ELMO1: variants seen among roughly 807,000 people sequenced by gnomAD.
ELMO1 encodes the protein engulfment and cell motility 1.
In ELMO1, 26 loss-of-function variants were observed where a neutral mutation model predicts 98.9. The ratio of observed to expected loss-of-function variants is 0.26; its 90% CI spans 0.19 to 0.36. The LOEUF (loss-of-function observed/expected upper bound fraction) is 0.36. Among genes scored for constraint, ELMO1 ranks in the 10% least tolerant of loss-of-function variants. The pLI is 1.00. For missense variants in ELMO1, 627 were observed against 935.2 expected (o/e 0.67, Z 4.30); for synonymous variants, 346 against 346.0 (o/e 1.00, Z 0.00).
chr7:36,944,484 T>C (rs909911071), intron 16 of ELMO1, among the ~76,000 whole-genome samples: 2 of 152,222 alleles, frequency 1.3e-5, no homozygotes, highest in African/African-American at 4.8e-5. Context: ...ACCTCCCGTA[T>C]AATATTTTCT....
chr7:36,879,352 A>G (rs1804235597), intron 18 of ELMO1, among the ~76,000 whole-genome samples: 1 of 152,232 alleles, frequency 6.6e-6, no homozygotes, highest in Non-Finnish European at 1.5e-5. Context: ...AGTCACCTAC[A>G]AGCCCCTTTG....
At chr7:37,407,816 A>G (rs1803835104) in intron 1 of ELMO1, among the ~76,000 whole-genome samples, 1 of 152,194 alleles carries the variant, frequency 6.6e-6, no homozygotes, top group Non-Finnish European at 1.5e-5. Context: ...AAGGCAAACT[A>G]TGAACTTCAA....
At chr7:37,099,833 ATT>A (rs768234746) in intron 14 of ELMO1, among the ~76,000 whole-genome samples, 10 of 141,262 alleles carry the variant, frequency 7.1e-5, no homozygotes, top group Admixed American at 7.1e-5. Flanking sequence ...CTGGAGTTCA[ATT>A]TTTTTTTTTT....
At position 36,862,112 on chromosome 7, in the gene ELMO1, AAAAC is replaced by A. The variant is rs57602967; in HGVS notation, c.1906-380_1906-377del. ...GCATCTCCCTTCCAGAGAGGCCACAAAAACAAACAAACAAACAAACAAACAAAAA... is the reference window on the plus strand; with the variant it reads ...GCATCTCCCTTCCAGAGAGGCCACAAAAACAAACAAACAAACAAACAAAAA... On this transcript the variant is annotated intron_variant, in intron 20 of 21. Coordinates refer to ENST00000310758, the MANE Select transcript of ELMO1 (RefSeq NM_014800.11). 7.8e-4 allele frequency: 172 copies of A among 220,118 alleles called. 1 individual carries two copies. The highest frequency in any genetic ancestry group is 1.4e-3 in the Admixed American group (28 of 19,836). 13.6% of individuals were successfully genotyped at this position (220,118 alleles called of 1,614,324 possible). A position where few individuals can be genotyped will look rare whatever the true frequency, so the allele number is the denominator to read the frequency against.
chr7:37,373,608 CAA>C (rs59651126), intron 1 of ELMO1, among the ~76,000 whole-genome samples: 8 of 133,680 alleles, frequency 6.0e-5, no homozygotes, highest in African/African-American at 5.4e-5. Context: ...GACTCCATCT[CAA>C]AAAAAAAAAA....
At chr7:37,103,979 C>T (rs1296788672) in intron 14 of ELMO1, among the ~76,000 whole-genome samples, 1 of 126,872 alleles carries the variant, frequency 7.9e-6, no homozygotes, top group African/African-American at 3.0e-5. Context: ...CCACTGCACT[C>T]CAGCCTGGGT....
intron 14 of ELMO1, among the ~76,000 whole-genome samples, chr7:37,110,590 T>C (rs1015278027): frequency 6.6e-6 from 1 of 152,232 alleles, no homozygotes; most frequent in East Asian, 1.9e-4. Flanking sequence ...TAAATATATA[T>C]ATATAAGTAT....
chr7:37,424,015 C>A lies in ELMO1; in HGVS notation c.-74+24660G>T, dbSNP rs1056244463. Among the ~76,000 whole-genome samples, 4 of 152,006 alleles carry A rather than the reference C, an allele frequency of 2.6e-5. 1 individual carries two copies. The South Asian group carries it at 6.2e-4, about 24-fold the overall frequency. ...TCCTTGGACCTCATGGGTAGGGGTCCCTCTAAAGCAGGGAGTCCCCTGTGG... is the reference window on the plus strand; with the variant it reads ...TCCTTGGACCTCATGGGTAGGGGTCACTCTAAAGCAGGGAGTCCCCTGTGG... On this transcript the variant is annotated intron_variant, in intron 1 of 21. Transcript: ENST00000310758.
intron 16 of ELMO1, among the ~76,000 whole-genome samples, chr7:36,958,585 C>T (rs1788660742): frequency 6.6e-6 from 1 of 152,170 alleles, no homozygotes; most frequent in Non-Finnish European, 1.5e-5. Flanking sequence ...TCACTGGGGA[C>T]ACCAGTGACC....
chr7:37,176,481 G>A (rs1790502143), intron 13 of ELMO1, among the ~76,000 whole-genome samples: 1 of 152,196 alleles, frequency 6.6e-6, no homozygotes, highest in Non-Finnish European at 1.5e-5. Flanking sequence ...GAATAAAAAT[G>A]TACAATATAA....
At chr7:37,360,866 T>C (rs16879645) in intron 1 of ELMO1, among the ~76,000 whole-genome samples, 15,448 of 152,238 alleles carry the variant, frequency 0.1, 850 homozygotes, top group Middle Eastern at 0.13. Flanking sequence ...AGTTTAATAA[T>C]ATATGGCAAA....
intron 13 of ELMO1, among the ~76,000 whole-genome samples, chr7:37,179,183 A>G (rs73123160): frequency 0.062 from 9,398 of 152,186 alleles, 308 homozygotes; most frequent in Middle Eastern, 0.15. Flanking sequence ...AAGGCAACAG[A>G]TAATTTTTTT....
intron 14 of ELMO1, among the ~76,000 whole-genome samples, chr7:37,112,506 G>C (rs1363474148): frequency 2.0e-5 from 3 of 152,178 alleles, no homozygotes; most frequent in Admixed American, 1.3e-4. Context: ...CTTGGCAAAT[G>C]CAAGTTTGCA....
chr7:36,945,299 G>A (rs572131546), intron 16 of ELMO1, among the ~76,000 whole-genome samples: 91 of 152,088 alleles, frequency 6.0e-4, no homozygotes, highest in Non-Finnish European at 1.2e-3. Flanking sequence ...CTTTTATATG[G>A]TTTCTTCCTT....
chr7:37,305,445 A>AGTGTGT (rs147003634), intron 4 of ELMO1, among the ~76,000 whole-genome samples: 7,386 of 122,848 alleles, frequency 0.06, 488 homozygotes, highest in African/African-American at 0.16. Flanking sequence ...CAGTACAGAT[A>AGTGTGT]GTGTGTGTGT....
At chr7:37,215,905 C>A (rs1793253598) in intron 11 of ELMO1, among the ~76,000 whole-genome samples, 2 of 152,152 alleles carry the variant, frequency 1.3e-5, no homozygotes, top group Admixed American at 6.5e-5. Context: ...CATTTGAGGA[C>A]CAAGTGTTTT....
chr7:37,107,477 G>A lies in ELMO1; in HGVS notation c.1192-10750C>T, dbSNP rs186332790. Among the ~76,000 whole-genome samples, 114 of 152,322 alleles carry A rather than the reference G, an allele frequency of 7.5e-4. 1 individual carries two copies. In the East Asian group the frequency reaches 0.012, roughly 16 times the overall value. ...TAATTACAATGGGAAAATGGATGCT[G>A]AATAAAAGCAGAGAAGCCCCTATGC... On this transcript the variant is annotated intron_variant, in intron 14 of 21. Coordinates refer to ENST00000310758, the MANE Select transcript of ELMO1 (RefSeq NM_014800.11).
intron 15 of ELMO1, among the ~76,000 whole-genome samples, chr7:37,050,609 AACACACACACACAC>A (rs60918785): frequency 1.6e-3 from 201 of 129,598 alleles, no homozygotes; most frequent in East Asian, 8.3e-3. Flanking sequence ...AGGTGCTCTG[AACACACACACACAC>A]ACACACACAC....
intron 13 of ELMO1, among the ~76,000 whole-genome samples, chr7:37,166,497 A>T (rs78234917): frequency 0.7 from 106,733 of 151,736 alleles, 40,312 homozygotes; most frequent in Non-Finnish European, 0.83. Context: ...TTCCCTCTAA[A>T]CACTGCTTTG....
Sources: gnomAD v4.1 joint callset for allele counts (sites outside exome capture counted in the v4.1 genomes callset) on GRCh38, gnomAD v4.1.1 for gene constraint, MANE v1.5 for transcripts, NCBI Gene and HGNC (gene_info 2026-07-23, HGNC 2026-07-21) for gene names.